MECR: variants seen among roughly 807,000 people sequenced by gnomAD.
The protein encoded by MECR is mitochondrial trans-2-enoyl-CoA reductase.
A neutral mutation model predicts 49.1 loss-of-function variants in MECR; 37 were observed. That is an observed-to-expected ratio of 0.75 (90% CI 0.58 to 0.99). The LOEUF is 0.99. Ranked by LOEUF, MECR falls within the 50% of genes least tolerant of loss-of-function variation. The pLI, the probability that MECR is intolerant of heterozygous loss-of-function variation, is 0.00. For synonymous variants in MECR, 198 were observed against 191.1 expected (o/e 1.04, Z -0.30); for missense variants, 470 against 479.6 (o/e 0.98, Z 0.19).
the MECR span, among the ~76,000 whole-genome samples, chr1:29,176,144 T>C: frequency 1.3e-5 from 2 of 151,968 alleles, no homozygotes; most frequent in South Asian, 2.1e-4. Context: ...CCCAGCTACT[T>C]GGGAGGCTGA....
the MECR span, chr1:29,172,399 C>G: frequency 6.6e-6 from 1 of 152,346 alleles, no homozygotes; most frequent in East Asian, 1.9e-4. Flanking sequence ...TCAAGCGGTT[C>G]TCCTGCCTCA....
chr1:29,230,758 T>G lies in MECR; in HGVS notation c.149A>C (p.His50Pro), dbSNP rs571641901. 2.5e-6 allele frequency: 4 copies of G among 1,592,586 alleles called. No individual in the cohort carries two copies. In the South Asian group the frequency reaches 4.5e-5, roughly 18 times the overall value. ...GACGACCTTGGCTGGATCCCCGTGGTGCCCATAGACAAGCGCCCGGACCCG... is the reference window on the plus strand; with the variant it reads ...GACGACCTTGGCTGGATCCCCGTGGGGCCCATAGACAAGCGCCCGGACCCG... ...PARVRALVYGHHGDPAKVVEL... is the reference protein window; with the variant it reads ...PARVRALVYGPHGDPAKVVEL... Residue 50 changes from histidine (H) to proline (P), a missense_variant, in exon 1 of 10, where the codon CAC (histidine) becomes CCC (proline). His to Pro is a moderately conservative substitution (Grantham distance 77). Coordinates refer to ENST00000263702, the MANE Select transcript of MECR (RefSeq NM_016011.5).
chr1:29,203,606 T>C (rs770829438), intron 4 of MECR, among the ~76,000 whole-genome samples: 2 of 152,246 alleles, frequency 1.3e-5, no homozygotes, highest in Non-Finnish European at 2.9e-5. Flanking sequence ...TTCCTTCCTA[T>C]TGAAATCCTG....
chr1:29,174,688 T>A, the MECR span, among the ~76,000 whole-genome samples: 1 of 150,310 alleles, frequency 6.7e-6, no homozygotes, highest in Admixed American at 6.6e-5. Context: ...TTTTTTTTTT[T>A]TTTTTTGATG....
At chr1:29,230,052 G>A (rs1683057557) in intron 1 of MECR, among the ~76,000 whole-genome samples, 1 of 152,208 alleles carries the variant, frequency 6.6e-6, no homozygotes, top group South Asian at 2.1e-4. Context: ...GGGTCTGTAT[G>A]GCACCAAAGC....
At chr1:29,227,190 T>C (rs923968827) in intron 1 of MECR, among the ~76,000 whole-genome samples, 5 of 152,118 alleles carry the variant, frequency 3.3e-5, no homozygotes, top group Non-Finnish European at 5.9e-5. Context: ...CTCGAGCACC[T>C]GACCTCTGGT....
chr1:29,195,153 G>C (rs1673656666), intron 9 of MECR, among the ~76,000 whole-genome samples: 1 of 152,066 alleles, frequency 6.6e-6, no homozygotes, highest in Non-Finnish European at 1.5e-5. Context: ...AAAAACCCAT[G>C]AGTCTGAATG....
rs1000497013 is a variant in MECR, at chr1:29,192,971, G to C, written c.*1051C>G. The stretch of plus-strand genomic sequence containing the variant: ...ATTTTTTTTTTTTTTTTGATATAGG[G>C]TCTTGCTCTGTTGCCTAGGCTGGAA... On this transcript the variant is annotated 3_prime_UTR_variant, in exon 10 of 10. Transcript: ENST00000263702. 2.7e-5 allele frequency: 4 copies of C among 150,650 alleles called. No homozygotes were observed. Among genetic ancestry groups the C allele is most frequent in the African/African-American group, 9.8e-5 (4 of 40,940 alleles). The allele number at this position is 150,650 out of a possible 1,614,324, so 9.3% of individuals were successfully genotyped here.
chr1:29,215,236 C>T (rs956903106), intron 3 of MECR, among the ~76,000 whole-genome samples: 1 of 152,120 alleles, frequency 6.6e-6, no homozygotes, highest in Admixed American at 6.5e-5. Flanking sequence ...TGTGTCTTTC[C>T]TCATTTTACA....
At chr1:29,198,724 C>T (rs1425916245) in intron 7 of MECR, among the ~76,000 whole-genome samples, 1 of 152,184 alleles carries the variant, frequency 6.6e-6, no homozygotes, top group African/African-American at 2.4e-5. Flanking sequence ...TCAAGCAATT[C>T]TCCTGCCTTA....
In MECR at chr1:29,195,983, G is replaced by A. The variant is rs772262313; in HGVS notation, c.922C>T (p.Arg308Ter). The stretch of plus-strand genomic sequence containing the variant: ...TTCCACTGGGACAACCAAAAGCCTC[G>A]AAGTTTGAGATCCTTAAAAATGAGC... ...SLLIFKDLKL[R>*]GFWLSQWKKD... Residue 308 changes from arginine (R) to a stop codon, truncating the protein, a stop_gained, in exon 9 of 10, where the codon CGA becomes TGA. Transcript: ENST00000263702. LOFTEE classifies it high-confidence loss of function. 6.2e-6 allele frequency: 10 copies of A among 1,614,062 alleles called. No individual in the cohort carries two copies. The highest frequency in any genetic ancestry group is 1.3e-5 in the African/African-American group (1 of 74,922).
Position 29,195,994 on chromosome 1 carries a change from T to A in MECR, c.911A>T (p.Asp304Val). The change falls in exon 9 of 10, where the codon GAT becomes GTT. Residue 304 changes from aspartate to valine, a missense_variant. Coordinates refer to ENST00000263702, the MANE Select transcript of MECR (RefSeq NM_016011.5). ...VASVSLLIFK[D>V]LKLRGFWLSQ... ...CAACCAAAAGCCTCGAAGTTTGAGA[T>A]CCTTAAAAATGAGCAGGCTCTGCAG... is the stretch of plus-strand genomic sequence containing the variant. 1 of 1,614,138 alleles carries A rather than the reference T, an allele frequency of 6.2e-7. No homozygotes were observed. Among genetic ancestry groups the A allele is most frequent in the African/African-American group, 1.3e-5 (1 of 75,026 alleles).
chr1:29,200,629 T>C (rs1675091602), intron 6 of MECR, 40 bp from the exon 7 acceptor site: 1 of 1,576,118 alleles, frequency 6.3e-7, no homozygotes, highest in East Asian at 2.2e-5. Flanking sequence ...GCATCCCCGC[T>C]CTACATATGG....
intron 5 of MECR, among the ~76,000 whole-genome samples, chr1:29,202,580 G>C (rs1675575354): frequency 6.6e-6 from 1 of 152,180 alleles, no homozygotes; most frequent in Admixed American, 6.5e-5. Flanking sequence ...CGATATGATG[G>C]AAAGAGAGTA....
chr1:29,199,047 C>T (rs1235103091), intron 7 of MECR, among the ~76,000 whole-genome samples: 1 of 152,200 alleles, frequency 6.6e-6, no homozygotes, highest in Non-Finnish European at 1.5e-5. Flanking sequence ...GTGCTCTGGC[C>T]ACGTGACTCA....
At chr1:29,222,007 C>G (rs1680887919) in intron 1 of MECR, among the ~76,000 whole-genome samples, 1 of 152,176 alleles carries the variant, frequency 6.6e-6, no homozygotes, top group African/African-American at 2.4e-5. Flanking sequence ...TGATCTTAAG[C>G]TAGACTCCAA....
intron 4 of MECR, among the ~76,000 whole-genome samples, chr1:29,205,737 G>A (rs1260615667): frequency 6.6e-6 from 1 of 152,070 alleles, no homozygotes; most frequent in African/African-American, 2.4e-5. Context: ...GGCTGAGGCA[G>A]GAGAATCCCT....
chr1:29,176,082 CT>C, the MECR span, among the ~76,000 whole-genome samples: 1 of 152,002 alleles, frequency 6.6e-6, no homozygotes, highest in Non-Finnish European at 1.5e-5. Context: ...GAAACCCTGT[CT>C]CTACTAAAAA....
At chr1:29,188,841 T>G (rs540516386), downstream of MECR, among the ~76,000 whole-genome samples, 1 of 152,236 alleles carries the variant, frequency 6.6e-6, no homozygotes, top group Admixed American at 6.5e-5. Context: ...GGTTTCACCA[T>G]GTTGGCCAGG....
Sources: allele counts gnomAD v4.1 joint callset (sites outside exome capture counted in the v4.1 genomes callset), GRCh38; gene constraint gnomAD v4.1.1; transcripts MANE v1.5; gene names NCBI Gene and HGNC (gene_info 2026-07-23, HGNC 2026-07-21).